The following MAOA variants were observed in gnomAD, a reference collection of about 807,000 sequenced individuals.
MAOA encodes monoamine oxidase A.
Under a neutral mutation model 42.0 loss-of-function variants are expected in MAOA, and 6 were observed. The ratio of observed to expected loss-of-function variants is 0.14; its 90% CI spans 0.08 to 0.28. The LOEUF (loss-of-function observed/expected upper bound fraction) is 0.28, where lower values mean the gene tolerates loss of function less well. Ranked by LOEUF, MAOA falls within the 10% of genes least tolerant of loss-of-function variation. The pLI, the probability that MAOA is intolerant of heterozygous loss-of-function variation, is 1.00. For synonymous variants in MAOA, 140 were observed against 154.0 expected (o/e 0.91, Z 0.67); for missense variants, 262 against 422.3 (o/e 0.62, Z 3.33).
chrX:43,745,357 C>G lies in MAOA; in HGVS notation c.*844C>G, dbSNP rs1445872957. On this transcript the variant is annotated 3_prime_UTR_variant, in exon 15 of 15. Transcript: ENST00000338702. ...AACTACGACTGGCATCTTCTCTTCC[C>G]CCTGGAAGGCAGCTAGACACCAATG... 9.0e-6 allele frequency: 1 copy of G among 111,724 alleles called. No homozygotes were observed. The highest frequency in any genetic ancestry group is 3.3e-5 in the African/African-American group (1 of 30,716). The allele number at this position is 111,724 out of a possible 1,213,427, so 9.2% of individuals were successfully genotyped here.
intron 10 of MAOA, among the ~76,000 whole-genome samples, chrX:43,740,457 T>C (rs1301848865): frequency 1.8e-5 from 2 of 111,968 alleles, no homozygotes; most frequent in Non-Finnish European, 3.8e-5. Flanking sequence ...AATAATTCCA[T>C]TGAATCCTCA....
At chrX:43,657,662 C>G (rs988993825) in intron 1 of MAOA, among the ~76,000 whole-genome samples, 1 of 111,966 alleles carries the variant, frequency 8.9e-6, no homozygotes, top group East Asian at 2.8e-4. Context: ...CTATCCTCCC[C>G]CTACTAGGTG....
At position 43,736,290 on chromosome X, in the gene MAOA, T is replaced by C. The variant is rs1022189480; in HGVS notation, c.1106+10T>C. On this transcript the variant is annotated intron_variant, in intron 10 of 14. Coordinates refer to ENST00000338702, the MANE Select transcript of MAOA (RefSeq NM_000240.4). ...TACATAAGGAAATAAGGTAAGAATTTATAACTGAAAAATAGATGAAAAAGT... is the reference window on the plus strand; with the variant it reads ...TACATAAGGAAATAAGGTAAGAATTCATAACTGAAAAATAGATGAAAAAGT... The C allele has an allele frequency of 1.7e-6, 2 of 1,148,378 alleles. No homozygotes were observed. The highest frequency in any genetic ancestry group is 6.2e-5 in the East Asian group (2 of 32,294). The allele number at this position is 1,148,378 out of a possible 1,213,427, so 94.6% of individuals were successfully genotyped here. A position where few individuals can be genotyped will look rare whatever the true frequency, so the allele number is the denominator to read the frequency against.
At chrX:43,666,488 A>G (rs1276666651) in intron 1 of MAOA, among the ~76,000 whole-genome samples, 1 of 110,951 alleles carries the variant, frequency 9.0e-6, no homozygotes, top group Non-Finnish European at 1.9e-5. Context: ...CAACAACTGC[A>G]ACCACAGTTA....
rs113186845 is a variant in MAOA, at chrX:43,663,469, G to A, written c.73+7055G>A. ...TCCAAGGGTTATAGAATGGTGGCCT[G>A]TAAGAGCCCAAAGGGACTGAAACAG... On this transcript the variant is annotated intron_variant, in intron 1 of 14. Transcript: ENST00000338702. Among the ~76,000 whole-genome samples, 1,078 of 111,734 alleles carry A rather than the reference G, an allele frequency of 9.6e-3. 19 individuals carry two copies. The highest frequency in any genetic ancestry group is 0.034 in the African/African-American group (1,045 of 30,797).
In MAOA at chrX:43,717,321, G is replaced by GAGTCAC. The variant is rs777233372; in HGVS notation, c.503+4527_503+4532dup. Among the ~76,000 whole-genome samples the GAGTCAC allele has an allele frequency of 4.5e-5, 5 of 111,519 alleles. No homozygotes were observed. In the South Asian group the frequency reaches 1.9e-3, roughly 43 times the overall value. On this transcript the variant is annotated intron_variant, in intron 5 of 14. Transcript: ENST00000338702. ...TGTCAGGATGGTATCTTCCAGAAATGAGTCACACTGGTGGTGGCGGAAAGA... is the reference window on the plus strand; with the variant it reads ...TGTCAGGATGGTATCTTCCAGAAATGAGTCACAGTCACACTGGTGGTGGCGGAAAGA...
Position 43,743,900 on chromosome X carries a change from A to T in MAOA, c.1369A>T (p.Arg457Trp). 1 of 1,169,207 alleles carries T rather than the reference A, an allele frequency of 8.6e-7. No homozygotes were observed. Among genetic ancestry groups the T allele is most frequent in the African/African-American group, 1.8e-5 (1 of 56,281 alleles). Residue 457 changes from arginine (R) to tryptophan (W), a missense_variant, in exon 13 of 15, where the codon AGG becomes TGG. Arg to Trp is a moderately radical substitution (Grantham distance 101). This residue lies in a region of MAOA where 86 missense variants were observed against 190.3 expected (regional missense o/e 0.45). Transcript: ENST00000338702. The part of the protein sequence containing the change: ...GAVEAGERAA[R>W]EVLNGLGKVT... ...AGTTGAGGCTGGAGAACGAGCAGCT[A>T]GGGAGGTAAGCAGGAAAGCCCAGGC...
chrX:43,720,806 G>A (rs1398809248), intron 5 of MAOA, among the ~76,000 whole-genome samples: 1 of 108,999 alleles, frequency 9.2e-6, no homozygotes, highest in East Asian at 2.9e-4. Context: ...GAGGGGGGAG[G>A]TAATGATATC....
chrX:43,709,228 A>AT (rs1436699452), intron 3 of MAOA, among the ~76,000 whole-genome samples: 1 of 107,862 alleles, frequency 9.3e-6, no homozygotes, highest in Admixed American at 1.0e-4. Context: ...CTTTCCTTGA[A>AT]CTCTTTACTT....
In MAOA at chrX:43,740,625, C is replaced by T. The variant is rs1420067549; in HGVS notation, c.1107-56C>T. 4 of 1,005,422 alleles carry T rather than the reference C, an allele frequency of 4.0e-6. No homozygotes were observed. The African/African-American group carries it at 5.9e-5, about 15-fold the overall frequency. The allele number at this position is 1,005,422 out of a possible 1,213,427, so 82.9% of individuals were successfully genotyped here. On this transcript the variant is annotated intron_variant, in intron 10 of 14. Transcript: ENST00000338702. ...GAACTCACTGTATTTATTCTATACC[C>T]ATCAGTTACTCCTTCCCTAACTTTA...
intron 5 of MAOA, among the ~76,000 whole-genome samples, chrX:43,723,162 G>A (rs2033804772): frequency 9.0e-6 from 1 of 111,634 alleles, no homozygotes; most frequent in African/African-American, 3.3e-5. Context: ...GATTGTCTTG[G>A]CTATGCGGGC....
Position 43,693,304 on chromosome X carries a change from A to G in MAOA, c.182A>G (p.Asp61Gly). The G allele has an allele frequency of 8.3e-7, 1 of 1,210,891 alleles. No individual in the cohort carries two copies. The highest frequency in any genetic ancestry group is 1.1e-6 in the Non-Finnish European group (1 of 894,709). The change falls in exon 3 of 15, where the codon GAT becomes GGT. Residue 61 changes from aspartate to glycine, a missense_variant. Asp to Gly is a moderately conservative substitution (Grantham distance 94, BLOSUM62 -1). Coordinates refer to ENST00000338702, the MANE Select transcript of MAOA (RefSeq NM_000240.4). ...CTCTTTTTGCAGAATGAGCATGTTG[A>G]TTACGTAGATGTTGGTGGAGCTTAT... ...RTYTIRNEHVDYVDVGGAYVG... is the reference protein window; with the variant it reads ...RTYTIRNEHVGYVDVGGAYVG...
chrX:43,731,020 A>G (rs1291723638), intron 6 of MAOA, among the ~76,000 whole-genome samples: 1 of 111,513 alleles, frequency 9.0e-6, no homozygotes, highest in Non-Finnish European at 1.9e-5. Flanking sequence ...ATTTTTATAA[A>G]CTTGTAATGG....
At chrX:43,728,967 A>T (rs766018917) in intron 6 of MAOA, among the ~76,000 whole-genome samples, 11 of 113,266 alleles carry the variant, frequency 9.7e-5, no homozygotes, top group Non-Finnish European at 1.9e-4. Context: ...CCTTTCTGTT[A>T]TCCAAAGAGA....
At chrX:43,694,295 G>A (rs1305784304) in intron 3 of MAOA, among the ~76,000 whole-genome samples, 1 of 111,387 alleles carries the variant, frequency 9.0e-6, no homozygotes, top group Non-Finnish European at 1.9e-5. Context: ...AATAACTGTG[G>A]GTCCGGAGGC....
chrX:43,689,021 T>C (rs1367042823), intron 2 of MAOA, among the ~76,000 whole-genome samples: 1 of 112,092 alleles, frequency 8.9e-6, no homozygotes, highest in African/African-American at 3.2e-5. Context: ...GAGTTTTCTT[T>C]ATTCTGACTT....
At chrX:43,680,332 A>C (rs902200918) in intron 1 of MAOA, among the ~76,000 whole-genome samples, 7 of 111,330 alleles carry the variant, frequency 6.3e-5, no homozygotes, top group Non-Finnish European at 1.3e-4. Context: ...TTATTGTGGG[A>C]AAAGCCCGTG....
intron 1 of MAOA, among the ~76,000 whole-genome samples, chrX:43,674,815 C>A (rs1345898690): frequency 1.8e-5 from 2 of 109,556 alleles, no homozygotes; most frequent in African/African-American, 6.7e-5. Flanking sequence ...CCGAGAGATC[C>A]GCTGTTAGTC....
intron 5 of MAOA, among the ~76,000 whole-genome samples, chrX:43,718,205 T>A (rs1420941063): frequency 6.5e-5 from 7 of 106,970 alleles, no homozygotes; most frequent in Non-Finnish European, 9.7e-5. Flanking sequence ...GATGGTATCT[T>A]CCAAGAATGA....
Sources: allele counts gnomAD v4.1 joint callset (sites outside exome capture counted in the v4.1 genomes callset), GRCh38; gene constraint gnomAD v4.1.1; regional missense constraint gnomAD v4.1.1; transcripts MANE v1.5; gene names NCBI Gene and HGNC (gene_info 2026-07-23, HGNC 2026-07-21).